The following MAEA variants were observed in gnomAD, a reference collection of about 807,000 sequenced individuals.
MAEA encodes the protein E3 ubiquitin-protein transferase MAEA.
In MAEA, 22 loss-of-function variants were observed where a neutral mutation model predicts 46.2. That is an observed-to-expected ratio of 0.48 (90% CI 0.34 to 0.68). The LOEUF is 0.68. MAEA is among the 30% of genes least tolerant of loss of function. The probability of loss-of-function intolerance (pLI) is 0.01; values close to 1 mark genes in which losing one functional copy is unlikely to be tolerated. For synonymous variants in MAEA, 246 were observed against 222.6 expected (o/e 1.11, Z -0.94); for missense variants, 393 against 558.1 (o/e 0.70, Z 2.98).
At chr4:1,331,046 G>A (rs1711711678) in intron 5 of MAEA, 1 of 152,070 alleles carries the variant, frequency 6.6e-6, no homozygotes, top group African/African-American at 2.4e-5. Flanking sequence ...GGGAGGAGGT[G>A]AGATGCCCGT....
chr4:1,296,731 A>G (rs140935024), intron 1 of MAEA, among the ~76,000 whole-genome samples: 78 of 151,278 alleles, frequency 5.2e-4, no homozygotes, highest in Admixed American at 2.4e-3. Flanking sequence ...TTGCCCCCCA[A>G]CACTCCACCC....
intron 1 of MAEA, among the ~76,000 whole-genome samples, chr4:1,306,101 T>C (rs1735802478): frequency 6.6e-6 from 1 of 152,186 alleles, no homozygotes; most frequent in South Asian, 2.1e-4. Flanking sequence ...TGGGCTTTCC[T>C]CAGTTTACCC....
intron 5 of MAEA, chr4:1,329,217 G>C (rs1739226662): frequency 1.0e-6 from 1 of 985,532 alleles, no homozygotes; most frequent in African/African-American, 1.7e-5. Context: ...ACTCCGCATA[G>C]GGTCTATTTG....
intron 4 of MAEA, among the ~76,000 whole-genome samples, chr4:1,326,053 G>C (rs974199171): frequency 7.9e-5 from 12 of 152,222 alleles, no homozygotes; most frequent in Non-Finnish European, 1.8e-4. Flanking sequence ...GTGGCCCCCG[G>C]GGGTCTGGGC....
In MAEA at chr4:1,323,577, G is replaced by C. The variant is rs1459126374; in HGVS notation, c.579+1074G>C. On this transcript the variant is annotated intron_variant, in intron 4 of 8. Coordinates refer to ENST00000303400, the MANE Select transcript of MAEA (RefSeq NM_001017405.3). ...TCCCCTAAAGAGAGTTTGGACCTTG[G>C]TATGGAAACCCTAAAAGGAAAGCCA... 3 of 702,440 alleles carry C rather than the reference G, an allele frequency of 4.3e-6. No individual in the cohort carries two copies. In the South Asian group the frequency reaches 4.4e-5, roughly 10 times the overall value. The allele number at this position is 702,440 out of a possible 1,614,324, so 43.5% of individuals were successfully genotyped here. A position where few individuals can be genotyped will look rare whatever the true frequency, so the allele number is the denominator to read the frequency against.
intron 6 of MAEA, among the ~76,000 whole-genome samples, chr4:1,333,548 G>A (rs951709906): frequency 2.6e-5 from 4 of 152,056 alleles, no homozygotes; most frequent in Non-Finnish European, 4.4e-5. Flanking sequence ...GACTCTCCGC[G>A]GTCACTGGGG....
chr4:1,296,620 CCT>C (rs1475058632), intron 1 of MAEA, among the ~76,000 whole-genome samples: 1 of 126,360 alleles, frequency 7.9e-6, no homozygotes, highest in Non-Finnish European at 1.6e-5. Flanking sequence ...TCTGAGTCTT[CCT>C]CTCGTGAAAA....
At position 1,332,873 on chromosome 4, in the gene MAEA, G is replaced by A. The variant is rs538751214; in HGVS notation, c.765+8G>A. The A allele has an allele frequency of 3.6e-5, 57 of 1,599,554 alleles. No homozygotes were observed. The highest frequency in any genetic ancestry group is 4.3e-5 in the Non-Finnish European group (50 of 1,169,882). ...CACATCTCCCCGTACAAGGTAGGGC[G>A]TGCGTCCCTGGGGTCGGTGTCATGC... On this transcript the variant is annotated splice_region_variant and intron_variant, in intron 6 of 8. Coordinates refer to ENST00000303400, the MANE Select transcript of MAEA (RefSeq NM_001017405.3).
At chr4:1,330,325 T>TCTCTCTCTCTC (rs55818312) in intron 5 of MAEA, 24 of 163,234 alleles carry the variant, frequency 1.5e-4, no homozygotes, top group South Asian at 2.0e-4. Flanking sequence ...TCTCTCTCTC[T>TCTCTCTCTCTC]TTCCGTGTGT....
chr4:1,334,601 C>T (rs1712501010), intron 6 of MAEA, among the ~76,000 whole-genome samples: 1 of 152,248 alleles, frequency 6.6e-6, no homozygotes, highest in Admixed American at 6.5e-5. Context: ...GGAGCATGCA[C>T]CTCTCACCGG....
intron 2 of MAEA, 91 bp from the exon 3 acceptor site, chr4:1,315,306 G>A: frequency 1.7e-6 from 2 of 1,189,998 alleles, no homozygotes; most frequent in Non-Finnish European, 1.2e-6. Flanking sequence ...TTCTCCTTGT[G>A]AGTGTTGTGG....
At chr4:1,328,597 C>T (rs1739140881) in intron 5 of MAEA, 1 of 1,206,664 alleles carries the variant, frequency 8.3e-7, no homozygotes, top group Non-Finnish European at 1.1e-6. Context: ...TGTCCATGCC[C>T]ACAGAAACCC....
In MAEA at chr4:1,338,664, G is replaced by GGGACAGGGCTGTGTGGGAC. The variant is rs1160783191; in HGVS notation, c.1095+50_1095+68dup. 5.9e-6 allele frequency: 9 copies of GGGACAGGGCTGTGTGGGAC among 1,535,464 alleles called. No individual in the cohort carries two copies. The African/African-American group carries it at 9.6e-5, about 16-fold the overall frequency. On this transcript the variant is annotated intron_variant, in intron 8 of 8. Transcript: ENST00000303400. The stretch of plus-strand genomic sequence containing the variant: ...GGCCAGGCTGGCACGCATCGCCATC[G>GGGACAGGGCTGTGTGGGAC]GGACAGGGCTGTGTGGGACGGGCAG...
intron 4 of MAEA, chr4:1,323,384 C>T: frequency 1.5e-6 from 1 of 663,652 alleles, no homozygotes; most frequent in African/African-American, 1.8e-5. Context: ...CTTCTGCCTC[C>T]ATTAGCAAAA....
chr4:1,297,549 C>T (rs3817604), intron 1 of MAEA, among the ~76,000 whole-genome samples: 20,291 of 151,594 alleles, frequency 0.13, 1,575 homozygotes, highest in African/African-American at 0.21. Flanking sequence ...GATGTGGTTC[C>T]TTTTGCCCTT....
chr4:1,307,764 C>T lies in MAEA; in HGVS notation c.70-4215C>T, dbSNP rs544691344. On this transcript the variant is annotated intron_variant, in intron 1 of 8. Transcript: ENST00000303400. ...GCCAGAGACCCTGGAGTTCTGATGC[C>T]AAAGGGCAGGATCCCAGCTCCAGGA... Among the ~76,000 whole-genome samples, 25 of 152,266 alleles carry T rather than the reference C, an allele frequency of 1.6e-4. 2 individuals carry two copies. In the South Asian group the frequency reaches 5.0e-3, roughly 30 times the overall value.
In MAEA at chr4:1,339,580, C is replaced by T. The variant is rs2109025337; in HGVS notation, c.*411C>T. 4.8e-6 allele frequency: 1 copy of T among 210,110 alleles called. No homozygotes were observed. The highest frequency in any genetic ancestry group is 6.7e-5 in the South Asian group (1 of 15,036). The allele number at this position is 210,110 out of a possible 1,614,324, so 13.0% of individuals were successfully genotyped here. ...TGGTCCTTCACCACTTCCTGTTGGC[C>T]CTGGCCTGGCCGGGGAAGGTGGCAG... On this transcript the variant is annotated 3_prime_UTR_variant, in exon 9 of 9. Coordinates refer to ENST00000303400, the MANE Select transcript of MAEA (RefSeq NM_001017405.3).
chr4:1,323,455 G>C (rs937324385), intron 4 of MAEA: 2 of 702,500 alleles, frequency 2.8e-6, no homozygotes, highest in Non-Finnish European at 2.6e-6. Context: ...TTGGCAGGGT[G>C]CACGCAGTTA....
rs557531733 is a variant in MAEA, at chr4:1,315,630, C to A, written c.456+30C>A. 4 of 1,607,420 alleles carry A rather than the reference C, an allele frequency of 2.5e-6. No homozygotes were observed. The East Asian group carries it at 8.9e-5, about 36-fold the overall frequency. On this transcript the variant is annotated intron_variant, in intron 3 of 8. Transcript: ENST00000303400. ...GTGCCCGCCAGACGCAGGCACAGCG[C>A]CCCAGCTGGCCCCAGGCCTATGGCC... is the stretch of plus-strand genomic sequence containing the variant.
Sources: allele counts gnomAD v4.1 joint callset (sites outside exome capture counted in the v4.1 genomes callset), GRCh38; gene constraint gnomAD v4.1.1; transcripts MANE v1.5; gene names NCBI Gene and HGNC (gene_info 2026-07-23, HGNC 2026-07-21).